The following DPYSL3 variants were observed in gnomAD, a reference collection of about 807,000 sequenced individuals.
DPYSL3 encodes the protein dihydropyrimidinase like 3, also known as dihydropyrimidinase-related protein 3.
A neutral mutation model predicts 66.1 loss-of-function variants in DPYSL3; 16 were observed. The ratio of observed to expected loss-of-function variants is 0.24; its 90% confidence interval spans 0.16 to 0.37. The LOEUF (loss-of-function observed/expected upper bound fraction) is 0.37. Ranked by LOEUF, DPYSL3 falls within the 10% of genes least tolerant of loss-of-function variation. The pLI, the probability that DPYSL3 is intolerant of heterozygous loss-of-function variation, is 1.00. For synonymous variants in DPYSL3, 338 were observed against 345.1 expected, an observed-to-expected ratio of 0.98 and a Z score of 0.23; for missense variants, 738 against 916.2, an observed-to-expected ratio of 0.81 and a Z score of 2.51.
intron 1 of DPYSL3, among the ~76,000 whole-genome samples, chr5:147,497,587 G>C (rs1328649847): frequency 6.6e-6 from 1 of 151,962 alleles, no homozygotes; most frequent in African/African-American, 2.4e-5. Context: ...TTCAACATTT[G>C]AGAATCCATC....
intron 4 of DPYSL3, among the ~76,000 whole-genome samples, chr5:147,415,254 T>C (rs1751938863): frequency 6.6e-6 from 1 of 152,140 alleles, no homozygotes; most frequent in Admixed American, 6.5e-5. Flanking sequence ...AAGGATGCCA[T>C]TGTTATATGA....
At chr5:147,498,117 G>C (rs975823042) in intron 1 of DPYSL3, among the ~76,000 whole-genome samples, 3 of 151,932 alleles carry the variant, frequency 2.0e-5, no homozygotes. Context: ...GCCCCAGTGT[G>C]TGTTGTTTCC....
intron 1 of DPYSL3, among the ~76,000 whole-genome samples, chr5:147,428,651 A>G (rs1318996987): frequency 6.6e-6 from 1 of 152,190 alleles, no homozygotes; most frequent in African/African-American, 2.4e-5. Context: ...ATCTCTGATT[A>G]AAAGTTGCTC....
chr5:147,439,990 T>C (rs1213613955), intron 1 of DPYSL3, among the ~76,000 whole-genome samples: 2 of 152,198 alleles, frequency 1.3e-5, no homozygotes, highest in Non-Finnish European at 2.9e-5. Context: ...TTGAAAGTGC[T>C]TCATAGTTCC....
chr5:147,476,999 A>G (rs1350088282), intron 1 of DPYSL3, among the ~76,000 whole-genome samples: 1 of 152,200 alleles, frequency 6.6e-6, no homozygotes, highest in African/African-American at 2.4e-5. Flanking sequence ...ACACATTTAA[A>G]AAATCTACTC....
chr5:147,499,457 T>C (rs942589884), intron 1 of DPYSL3, among the ~76,000 whole-genome samples: 1 of 152,032 alleles, frequency 6.6e-6, no homozygotes, highest in Non-Finnish European at 1.5e-5. Context: ...GCAACTGAGG[T>C]AGAAATCTAA....
intron 1 of DPYSL3, among the ~76,000 whole-genome samples, chr5:147,458,011 T>C (rs1261397054): frequency 6.6e-6 from 1 of 152,180 alleles, no homozygotes; most frequent in Admixed American, 6.5e-5. Context: ...GGAGTTCATA[T>C]GAAAATCATT....
At chr5:147,425,096 A>G (rs996224874) in intron 1 of DPYSL3, 133 bp from the exon 2 acceptor site, 5 of 586,390 alleles carry the variant, frequency 8.5e-6, no homozygotes, top group African/African-American at 1.9e-5. Flanking sequence ...TGTGTGCTCA[A>G]TGCACTCAAC....
chr5:147,459,664 C>T (rs1054281310), intron 1 of DPYSL3, among the ~76,000 whole-genome samples: 1 of 152,106 alleles, frequency 6.6e-6, no homozygotes, highest in Non-Finnish European at 1.5e-5. Flanking sequence ...ATCAAGCTTA[C>T]ACTAGCTTAA....
chr5:147,449,598 T>C (rs576633765), intron 1 of DPYSL3, among the ~76,000 whole-genome samples: 6 of 152,320 alleles, frequency 3.9e-5, no homozygotes, highest in African/African-American at 1.4e-4. Flanking sequence ...CAGCCTCAGC[T>C]TTGAAGCTGG....
Position 147,400,881 on chromosome 5 carries a change from C to G in DPYSL3, c.1311-48G>C. 1.9e-6 allele frequency: 3 copies of G among 1,594,104 alleles called. No homozygotes were observed. In the South Asian group the frequency reaches 3.4e-5, roughly 18 times the overall value. On this transcript the variant is annotated intron_variant, in intron 9 of 13. Coordinates refer to ENST00000343218, the MANE Select transcript of DPYSL3 (RefSeq NM_001197294.2). ...CATGAACAGGGGAGATGGCTGGAGG[C>G]ACACTGGGAGCTTAGAGTCTTGTGT... is the stretch of plus-strand genomic sequence containing the variant.
chr5:147,400,434 T>G (rs1376423678), intron 10 of DPYSL3, among the ~76,000 whole-genome samples: 2 of 152,230 alleles, frequency 1.3e-5, no homozygotes, highest in Non-Finnish European at 2.9e-5. Context: ...TACACTCAGA[T>G]GAAGGAGTTG....
At chr5:147,432,038 A>C (rs758557453) in intron 1 of DPYSL3, among the ~76,000 whole-genome samples, 1 of 152,174 alleles carries the variant, frequency 6.6e-6, no homozygotes, top group Non-Finnish European at 1.5e-5. Context: ...GTCTTCATTG[A>C]AATTGGGCAT....
intron 1 of DPYSL3, among the ~76,000 whole-genome samples, chr5:147,503,307 A>G (rs1753641141): frequency 6.6e-6 from 1 of 152,106 alleles, no homozygotes; most frequent in South Asian, 2.1e-4. Context: ...TTTTATGATG[A>G]TCATAAGATG....
At chr5:147,420,263 C>T (rs781530867) in intron 2 of DPYSL3, among the ~76,000 whole-genome samples, 63 of 152,184 alleles carry the variant, frequency 4.1e-4, no homozygotes, top group Non-Finnish European at 7.8e-4. Context: ...ATGCCTCCTC[C>T]ATAGGGTTGT....
intron 1 of DPYSL3, among the ~76,000 whole-genome samples, chr5:147,482,595 C>T (rs1323866664): frequency 6.6e-6 from 1 of 152,174 alleles, no homozygotes; most frequent in African/African-American, 2.4e-5. Context: ...GTTTTTTCCA[C>T]TGAGCTTCCT....
chr5:147,400,423 G>A (rs3213858), intron 10 of DPYSL3, among the ~76,000 whole-genome samples: 21,930 of 152,168 alleles, frequency 0.14, 1,952 homozygotes, highest in South Asian at 0.32. Flanking sequence ...CAGGCTATTC[G>A]TACACTCAGA....
Position 147,509,761 on chromosome 5 carries a change from T to G in DPYSL3, c.98A>C (p.Lys33Thr). ...CACGTTGCAGAACATGCCGCCGTAT[T>G]TCTGCCGCGGGACCTGGTCCGTGGT... ...PGTTDQVPRQKYGGMFCNVEG... is the reference protein window; with the variant it reads ...PGTTDQVPRQTYGGMFCNVEG... The change falls in exon 1 of 14, where the codon AAA becomes ACA. Residue 33 changes from lysine to threonine, a missense_variant. Lys to Thr is a moderately conservative substitution (Grantham distance 78, BLOSUM62 -1). Coordinates refer to ENST00000343218, the MANE Select transcript of DPYSL3 (RefSeq NM_001197294.2). The surrounding 1 kb of genome is among the most constrained non-coding windows in gnomAD (Gnocchi z 5.3). The G allele has an allele frequency of 6.5e-7, 1 of 1,535,952 alleles. No individual in the cohort carries two copies. Among genetic ancestry groups the G allele is most frequent in the Non-Finnish European group, 8.7e-7 (1 of 1,146,800 alleles).
chr5:147,411,843 G>A (rs1751860418), intron 6 of DPYSL3, among the ~76,000 whole-genome samples: 1 of 152,196 alleles, frequency 6.6e-6, no homozygotes, highest in Non-Finnish European at 1.5e-5. Flanking sequence ...GGCACAAAGT[G>A]CTCAGGAAAT....
Sources: gnomAD v4.1 joint callset for allele counts (sites outside exome capture counted in the v4.1 genomes callset) on GRCh38, gnomAD v4.1.1 for gene constraint, Gnocchi (gnomAD v3.1) non-coding constraint, MANE v1.5 for transcripts, NCBI Gene and HGNC (gene_info 2026-07-23, HGNC 2026-07-21) for gene names.